The following NEGR1 variants were observed in gnomAD, a reference collection of about 807,000 sequenced individuals.
NEGR1 encodes the protein IgLON family member 4.
NEGR1 carries 10 observed loss-of-function variants against 40.9 expected under a neutral mutation model. The observed-to-expected ratio is 0.24, with a 90% CI of 0.15 to 0.42. The LOEUF is 0.42. NEGR1 is among the 10% of genes least tolerant of loss of function. The probability of loss-of-function intolerance (pLI) is 1.00; values close to 1 mark genes in which losing one functional copy is unlikely to be tolerated. For missense variants in NEGR1, 352 were observed against 438.9 expected (o/e 0.80, Z 1.77); for synonymous variants, 185 against 166.8 (o/e 1.11, Z -0.84).
chr1:71,853,980 G>C (rs1197878014), intron 2 of NEGR1, among the ~76,000 whole-genome samples: 1 of 152,130 alleles, frequency 6.6e-6, no homozygotes, highest in Non-Finnish European at 1.5e-5. Context: ...TCAGCACAAA[G>C]AGCAGAATAA....
chr1:71,917,482 A>T (rs1661616738), intron 2 of NEGR1, among the ~76,000 whole-genome samples: 1 of 152,106 alleles, frequency 6.6e-6, no homozygotes, highest in Admixed American at 6.6e-5. Context: ...ATTTTTTTTA[A>T]CTACATGCAA....
intron 1 of NEGR1, among the ~76,000 whole-genome samples, chr1:71,999,660 TATATATATATATATATATAC>T (rs796332228): frequency 0.086 from 4,665 of 54,304 alleles, 342 homozygotes; most frequent in Non-Finnish European, 0.14. Context: ...TATATATATA[TATATATATATATATATATAC>T]ATACATATTT....
chr1:71,579,102 T>C (rs1046191415), intron 6 of NEGR1, among the ~76,000 whole-genome samples: 3 of 152,134 alleles, frequency 2.0e-5, no homozygotes, highest in Non-Finnish European at 2.9e-5. Context: ...TATATGAAAA[T>C]ATGTTTTTGG....
chr1:72,077,839 A>T (rs1331919814), intron 1 of NEGR1, among the ~76,000 whole-genome samples: 3 of 151,946 alleles, frequency 2.0e-5, no homozygotes, highest in Non-Finnish European at 4.4e-5. Context: ...GGGGATGAAA[A>T]TTTCCCAAAT....
At chr1:71,462,785 G>A (rs146573014) in intron 6 of NEGR1, among the ~76,000 whole-genome samples, 6 of 152,192 alleles carry the variant, frequency 3.9e-5, no homozygotes, top group African/African-American at 1.4e-4. Context: ...TTATTATTGT[G>A]TTTCTCAAAA....
At chr1:71,680,702 G>A (rs540732345) in intron 4 of NEGR1, among the ~76,000 whole-genome samples, 111 of 152,014 alleles carry the variant, frequency 7.3e-4, no homozygotes, top group African/African-American at 2.4e-3. Flanking sequence ...CTCTCCTTCC[G>A]TCTTCAGTGT....
At chr1:72,119,871 T>C (rs1266216586) in intron 1 of NEGR1, among the ~76,000 whole-genome samples, 3 of 151,950 alleles carry the variant, frequency 2.0e-5, no homozygotes, top group Non-Finnish European at 4.4e-5. Context: ...TTGTAGACAA[T>C]AGACACTTGG....
At chr1:71,532,991 C>G (rs1647401667) in intron 6 of NEGR1, among the ~76,000 whole-genome samples, 1 of 151,580 alleles carries the variant, frequency 6.6e-6, no homozygotes, top group African/African-American at 2.4e-5. Flanking sequence ...AGACAATCAA[C>G]AGTCATGCAA....
At chr1:71,540,412 T>A (rs1163786972) in intron 6 of NEGR1, among the ~76,000 whole-genome samples, 1 of 151,816 alleles carries the variant, frequency 6.6e-6, no homozygotes, top group African/African-American at 2.4e-5. Context: ...TATTTCCTTA[T>A]ACCTAGAAAA....
chr1:71,563,207 A>G (rs1028865701), intron 6 of NEGR1, among the ~76,000 whole-genome samples: 4 of 151,988 alleles, frequency 2.6e-5, no homozygotes, highest in Non-Finnish European at 4.4e-5. Context: ...CTTTTACTTA[A>G]GTGCAACAAG....
intron 6 of NEGR1, among the ~76,000 whole-genome samples, chr1:71,590,618 A>G (rs907396556): frequency 1.3e-5 from 2 of 152,110 alleles, no homozygotes; most frequent in Non-Finnish European, 2.9e-5. Flanking sequence ...CTTCAGCCAC[A>G]TTTATATTCT....
chr1:71,746,517 G>T (rs1049516963), intron 3 of NEGR1, among the ~76,000 whole-genome samples: 2 of 151,804 alleles, frequency 1.3e-5, no homozygotes, highest in African/African-American at 2.4e-5. Flanking sequence ...ATCTTCAACT[G>T]CTCATTATGT....
intron 1 of NEGR1, among the ~76,000 whole-genome samples, chr1:72,183,742 A>G (rs550056127): frequency 6.6e-6 from 1 of 152,128 alleles, no homozygotes; most frequent in African/African-American, 2.4e-5. Flanking sequence ...CTTCAGTACA[A>G]TTTGCTAAAT....
At position 71,985,750 on chromosome 1, in the gene NEGR1, G is replaced by A. The variant is rs151219129; in HGVS notation, c.177-50439C>T. ...AAAAGTACTTTATCTCTTTGAATCC[G>A]TTAAGAATATCATTTATTTTCCATC... On this transcript the variant is annotated intron_variant, in intron 1 of 6. Transcript: ENST00000357731. 1.8e-3 allele frequency among the ~76,000 whole-genome samples: 277 copies of A among 152,272 alleles called. 3 individuals carry two copies. Among genetic ancestry groups the A allele is most frequent in the African/African-American group, 6.5e-3 (272 of 41,568 alleles).
At chr1:71,952,762 G>A (rs1197261839) in intron 1 of NEGR1, among the ~76,000 whole-genome samples, 10 of 151,838 alleles carry the variant, frequency 6.6e-5, no homozygotes, top group Non-Finnish European at 1.5e-4. Context: ...TCTTGTTGGG[G>A]ACTAGTGTAA....
chr1:71,764,533 G>C (rs756734553), intron 3 of NEGR1, among the ~76,000 whole-genome samples: 1 of 151,938 alleles, frequency 6.6e-6, no homozygotes. Flanking sequence ...AGTTCAAAAC[G>C]GGTCATAAAG....
At chr1:71,958,148 C>G (rs1295446605) in intron 1 of NEGR1, among the ~76,000 whole-genome samples, 1 of 152,178 alleles carries the variant, frequency 6.6e-6, no homozygotes, top group Non-Finnish European at 1.5e-5. Flanking sequence ...TTTCCCACAT[C>G]CACTGAGTAC....
At chr1:72,070,122 GTATT>G (rs1647401404) in intron 1 of NEGR1, among the ~76,000 whole-genome samples, 1 of 151,830 alleles carries the variant, frequency 6.6e-6, no homozygotes, top group Non-Finnish European at 1.5e-5. Flanking sequence ...AAATAAAAAT[GTATT>G]TAATATTTAA....
intron 1 of NEGR1, among the ~76,000 whole-genome samples, chr1:72,156,084 A>C (rs1224372439): frequency 6.6e-6 from 1 of 151,816 alleles, no homozygotes; most frequent in Non-Finnish European, 1.5e-5. Context: ...AACCTCTTAC[A>C]AGAAGTTAAC....
Sources: allele counts gnomAD v4.1 joint callset (sites outside exome capture counted in the v4.1 genomes callset), GRCh38; gene constraint gnomAD v4.1.1; transcripts MANE v1.5; gene names NCBI Gene and HGNC (gene_info 2026-07-23, HGNC 2026-07-21).